SNTB2: variants seen among roughly 807,000 people sequenced by gnomAD.
SNTB2 encodes syntrophin beta 2, also known as beta-2-syntrophin.
SNTB2 carries 34 observed loss-of-function variants against 46.2 expected under a neutral mutation model. The ratio of observed to expected loss-of-function variants is 0.74; its 90% CI spans 0.56 to 0.98. The LOEUF is 0.98. Ranked by LOEUF, SNTB2 falls within the 50% of genes least tolerant of loss-of-function variation. The pLI, the probability that SNTB2 is intolerant of heterozygous loss-of-function variation, is 0.00. For synonymous variants in SNTB2, 290 were observed against 312.6 expected (o/e 0.93, Z 0.76); for missense variants, 603 against 731.4 (o/e 0.82, Z 2.02).
chr16:69,286,176 C>A (rs1420189264), intron 5 of SNTB2, among the ~76,000 whole-genome samples: 1 of 152,176 alleles, frequency 6.6e-6, no homozygotes, highest in East Asian at 1.9e-4. Flanking sequence ...GGTCTCAACT[C>A]CTGGCTTCAA....
chr16:69,200,027 G>A (rs764493903), intron 1 of SNTB2, among the ~76,000 whole-genome samples: 1 of 151,870 alleles, frequency 6.6e-6, no homozygotes, highest in Non-Finnish European at 1.5e-5. Context: ...CGATTCTCCT[G>A]CCGCAGCCTC....
At chr16:69,277,154 A>T (rs2143137744) in intron 4 of SNTB2, among the ~76,000 whole-genome samples, 1 of 152,312 alleles carries the variant, frequency 6.6e-6, no homozygotes, top group Non-Finnish European at 1.5e-5. Flanking sequence ...AGACTTGGGT[A>T]TTTGTCACAT....
chr16:69,241,238 A>C (rs1964611382), intron 1 of SNTB2, among the ~76,000 whole-genome samples: 1 of 126,802 alleles, frequency 7.9e-6, no homozygotes, highest in Admixed American at 9.8e-5. Flanking sequence ...GTGCAGTGGC[A>C]CAATCTCAGC....
chr16:69,208,724 G>C (rs1171807314), intron 1 of SNTB2, among the ~76,000 whole-genome samples: 3 of 151,926 alleles, frequency 2.0e-5, no homozygotes, highest in South Asian at 2.1e-4. Context: ...GGCTGGGCGC[G>C]GTGGCTCACG....
chr16:69,295,731 GA>G lies in SNTB2; in HGVS notation c.1346-3845del, dbSNP rs540308887. ...TCTTACTAAATGGGGAATTTATACT[GA>G]AAAAAAAAAAAAAGCCACTTCTCAT... On this transcript the variant is annotated intron_variant, in intron 5 of 6. Coordinates refer to ENST00000336278, the MANE Select transcript of SNTB2 (RefSeq NM_006750.4). Among the ~76,000 whole-genome samples the G allele has an allele frequency of 9.4e-3, 1,152 of 122,096 alleles. 11 individuals carry two copies. The highest frequency in any genetic ancestry group is 0.082 in the Middle Eastern group (20 of 244). 80.1% of individuals were successfully genotyped at this position (122,096 alleles called of 152,430 possible).
At chr16:69,239,941 G>A (rs1170808566) in intron 1 of SNTB2, among the ~76,000 whole-genome samples, 1 of 152,130 alleles carries the variant, frequency 6.6e-6, no homozygotes, top group African/African-American at 2.4e-5. Context: ...ATTCATCCAA[G>A]TTACTGAGTT....
intron 1 of SNTB2, among the ~76,000 whole-genome samples, 156 bp from the exon 2 acceptor site, chr16:69,245,446 C>T (rs1169969405): frequency 2.0e-5 from 3 of 152,106 alleles, no homozygotes; most frequent in Non-Finnish European, 2.9e-5. Flanking sequence ...CCACCCGCCT[C>T]GGCCTCCCAA....
intron 1 of SNTB2, among the ~76,000 whole-genome samples, chr16:69,203,257 A>G (rs1418659556): frequency 1.3e-5 from 2 of 152,060 alleles, no homozygotes; most frequent in Non-Finnish European, 2.9e-5. Flanking sequence ...ACCTCAGGTG[A>G]TCTGCCCACC....
intron 2 of SNTB2, among the ~76,000 whole-genome samples, chr16:69,246,365 A>C (rs573267281): frequency 2.0e-5 from 3 of 152,006 alleles, no homozygotes; most frequent in Admixed American, 2.0e-4. Flanking sequence ...GATTACATGT[A>C]TTGATTTGCG....
chr16:69,200,911 T>C (rs1343712075), intron 1 of SNTB2, among the ~76,000 whole-genome samples: 1 of 152,254 alleles, frequency 6.6e-6, no homozygotes, highest in Non-Finnish European at 1.5e-5. Context: ...AGATCCTCAT[T>C]ATTTTCTTCT....
chr16:69,290,271 G>T (rs575677044), intron 5 of SNTB2, among the ~76,000 whole-genome samples: 5 of 152,158 alleles, frequency 3.3e-5, no homozygotes, highest in Non-Finnish European at 7.4e-5. Flanking sequence ...TTTGTCACAG[G>T]ATTTGAAACT....
intron 1 of SNTB2, chr16:69,231,112 T>C (rs1964502440): frequency 6.6e-6 from 1 of 152,172 alleles, no homozygotes; most frequent in African/African-American, 2.4e-5. Flanking sequence ...TTAAATAAAG[T>C]CTTATCTTTT....
chr16:69,240,156 A>C (rs1241420930), intron 1 of SNTB2, among the ~76,000 whole-genome samples: 1 of 152,172 alleles, frequency 6.6e-6, no homozygotes, highest in African/African-American at 2.4e-5. Context: ...TATTAATTAC[A>C]TTATTATTTT....
intron 1 of SNTB2, among the ~76,000 whole-genome samples, chr16:69,205,453 C>T (rs992296049): frequency 6.6e-6 from 1 of 151,856 alleles, no homozygotes; most frequent in Non-Finnish European, 1.5e-5. Flanking sequence ...CCACCTCAGC[C>T]TCCCAAAATG....
At chr16:69,258,596 T>C (rs1325533719) in intron 2 of SNTB2, among the ~76,000 whole-genome samples, 3 of 150,418 alleles carry the variant, frequency 2.0e-5, no homozygotes, top group Admixed American at 6.7e-5. Flanking sequence ...GCTAATTTTC[T>C]TGTTCTTTCT....
chr16:69,293,445 G>A (rs2143189906), intron 5 of SNTB2, among the ~76,000 whole-genome samples: 1 of 152,304 alleles, frequency 6.6e-6, no homozygotes, highest in East Asian at 1.9e-4. Context: ...GAAAAAGCAG[G>A]TTGGATTTAG....
chr16:69,262,571 C>G (rs1403975793), intron 3 of SNTB2, among the ~76,000 whole-genome samples: 1 of 151,910 alleles, frequency 6.6e-6, no homozygotes, highest in Non-Finnish European at 1.5e-5. Flanking sequence ...TACGTGTATA[C>G]ATTGTGGAAT....
chr16:69,286,150 C>T (rs1032259586), intron 5 of SNTB2, among the ~76,000 whole-genome samples: 1 of 152,116 alleles, frequency 6.6e-6, no homozygotes, highest in Admixed American at 6.6e-5. Context: ...TGAGGTCTTA[C>T]TGTGTTGCCC....
chr16:69,263,739 T>A (rs1964858608), intron 3 of SNTB2, among the ~76,000 whole-genome samples: 1 of 151,978 alleles, frequency 6.6e-6, no homozygotes, highest in Non-Finnish European at 1.5e-5. Flanking sequence ...TAAAAGGAAA[T>A]TTTTTTGAGT....
Sources: gnomAD v4.1 joint callset for allele counts (sites outside exome capture counted in the v4.1 genomes callset) on GRCh38, gnomAD v4.1.1 for gene constraint, MANE v1.5 for transcripts, NCBI Gene and HGNC (gene_info 2026-07-23, HGNC 2026-07-21) for gene names.